FOSL1: variants seen among roughly 807,000 people sequenced by gnomAD.
FOSL1 encodes FOS like 1, AP-1 transcription factor subunit.
A neutral mutation model predicts 24.9 loss-of-function variants in FOSL1; 14 were observed. The ratio of observed to expected loss-of-function variants is 0.56; its 90% confidence interval spans 0.37 to 0.88. The LOEUF (loss-of-function observed/expected upper bound fraction) is 0.88, where lower values mean the gene tolerates loss of function less well. FOSL1 is among the 40% of genes least tolerant of loss of function. The pLI is 0.00. For missense variants in FOSL1, 318 were observed against 359.8 expected (o/e 0.88, Z 0.94); for synonymous variants, 133 against 145.1 (o/e 0.92, Z 0.60).
upstream of FOSL1, chr11:65,900,432 C>A (rs1029999849): frequency 2.2e-5 from 16 of 732,632 alleles, no homozygotes; most frequent in African/African-American, 2.5e-4. Context: ...ATGAAAAGTT[C>A]TCGGGCTGAA....
Position 65,892,648 on chromosome 11 carries a change from T to A in FOSL1, c.*238A>T. The A allele has an allele frequency of 1.5e-6, 1 of 689,286 alleles. No individual in the cohort carries two copies. Among genetic ancestry groups the A allele is most frequent in the Non-Finnish European group, 2.7e-6 (1 of 376,516 alleles). 42.7% of individuals were successfully genotyped at this position (689,286 alleles called of 1,614,324 possible). A position where few individuals can be genotyped will look rare whatever the true frequency, so the allele number is the denominator to read the frequency against. On this transcript the variant is annotated 3_prime_UTR_variant, in exon 4 of 4. Transcript: ENST00000312562. The stretch of plus-strand genomic sequence containing the variant: ...TCCTCTGGCACAAATGGGAAATATT[T>A]TGTCTCTGATTTAGTGCAAATTGTG...
chr11:65,896,957 A>G lies in FOSL1; in HGVS notation c.149T>C (p.Leu50Pro). 1 of 1,614,196 alleles carries G rather than the reference A, an allele frequency of 6.2e-7. No individual in the cohort carries two copies. Among genetic ancestry groups the G allele is most frequent in the Non-Finnish European group, 8.5e-7 (1 of 1,180,024 alleles). Reference sequence around the variant, plus strand: ...GAAATGAGGCTGTACCATCCACTGCAGCTCCTGACTGCCACTCATGGTGTT... The same window carrying G: ...GAAATGAGGCTGTACCATCCACTGCGGCTCCTGACTGCCACTCATGGTGTT... The part of the protein sequence containing the change: ...SINTMSGSQE[L>P]QWMVQPHFLG... The change falls in exon 2 of 4, where the codon CTG (leucine) becomes CCG (proline). Residue 50 changes from leucine (L) to proline (P), a missense_variant. Physicochemically the swap from Leu to Pro is moderately conservative, Grantham distance 98. Coordinates refer to ENST00000312562, the MANE Select transcript of FOSL1 (RefSeq NM_005438.5).
intron 3 of FOSL1, among the ~76,000 whole-genome samples, 173 bp from the exon 4 acceptor site, chr11:65,893,469 G>A (rs112017120): frequency 0.029 from 4,372 of 152,184 alleles, 202 homozygotes; most frequent in African/African-American, 0.099. Context: ...GAGAAAATGG[G>A]CACAACTCCC....
rs570896738 is a variant in FOSL1 at position 65,892,714 on chromosome 11, T to A, written c.*172A>T. On this transcript the variant is annotated 3_prime_UTR_variant, in exon 4 of 4. Coordinates refer to ENST00000312562, the MANE Select transcript of FOSL1 (RefSeq NM_005438.5). ...CAAGAGAAACAGTGGGCAGCTTTGG[T>A]GGCCCCAAGCTGGCTCTACTGTGAA... 6.9e-6 allele frequency: 5 copies of A among 722,498 alleles called. No individual in the cohort carries two copies. In the African/African-American group the frequency reaches 8.6e-5, roughly 12 times the overall value. 44.8% of individuals were successfully genotyped at this position (722,498 alleles called of 1,614,324 possible).
rs753232286 is a variant in FOSL1, at chr11:65,892,652, C to G, written c.*234G>C. 4.3e-6 allele frequency: 3 copies of G among 692,970 alleles called. No individual in the cohort carries two copies. Among genetic ancestry groups the G allele is most frequent in the Non-Finnish European group, 7.9e-6 (3 of 379,080 alleles). The allele number at this position is 692,970 out of a possible 1,614,324, so 42.9% of individuals were successfully genotyped here. A position where few individuals can be genotyped will look rare whatever the true frequency, so the allele number is the denominator to read the frequency against. On this transcript the variant is annotated 3_prime_UTR_variant, in exon 4 of 4. Coordinates refer to ENST00000312562, the MANE Select transcript of FOSL1 (RefSeq NM_005438.5). ...CTGGCACAAATGGGAAATATTTTGT[C>G]TCTGATTTAGTGCAAATTGTGCTAG...
intron 3 of FOSL1, 109 bp from the exon 4 acceptor site, chr11:65,893,405 G>A (rs979466911): frequency 8.8e-6 from 7 of 794,048 alleles, no homozygotes; most frequent in Non-Finnish European, 1.4e-5. Flanking sequence ...GGGGAGAGGG[G>A]GGGCAGTGGA....
intron 1 of FOSL1, among the ~76,000 whole-genome samples, chr11:65,897,256 A>C (rs1479351257): frequency 6.6e-6 from 1 of 152,038 alleles, no homozygotes; most frequent in Non-Finnish European, 1.5e-5. Flanking sequence ...TAAAGCACAA[A>C]CTGCCAGGAA....
At chr11:65,894,966 CTT>C (rs772849854) in intron 2 of FOSL1, among the ~76,000 whole-genome samples, 3 of 141,512 alleles carry the variant, frequency 2.1e-5, no homozygotes, top group African/African-American at 5.2e-5. Context: ...CTTTTTTTTT[CTT>C]TTTTTTTTTT....
At position 65,893,162 on chromosome 11, in the gene FOSL1, C is replaced by A; in HGVS notation, c.540G>T (p.Glu180Asp). The part of the protein sequence containing the change: ...PICKIPEGAK[E>D]GDTGSTSGTS... ...TGCCACTGGTACTGCCTGTGTCCCCCTCCTTGGCTCCTTCCGGGATTTTGC... is the reference window on the plus strand; with the variant it reads ...TGCCACTGGTACTGCCTGTGTCCCCATCCTTGGCTCCTTCCGGGATTTTGC... The change falls in exon 4 of 4, where the codon GAG becomes GAT. Residue 180 changes from glutamate to aspartate, a missense_variant. Physicochemically the swap from Glu to Asp is conservative, Grantham distance 45. Coordinates refer to ENST00000312562, the MANE Select transcript of FOSL1 (RefSeq NM_005438.5). The A allele has an allele frequency of 6.2e-7, 1 of 1,613,700 alleles. No individual in the cohort carries two copies. The highest frequency in any genetic ancestry group is 8.5e-7 in the Non-Finnish European group (1 of 1,179,974).
chr11:65,896,831 A>T lies in FOSL1; in HGVS notation c.275T>A (p.Val92Glu), dbSNP rs1565289362. 6 of 1,610,400 alleles carry T rather than the reference A, an allele frequency of 3.7e-6. No individual in the cohort carries two copies. Among genetic ancestry groups the T allele is most frequent in the Admixed American group, 3.4e-5 (2 of 59,614 alleles). Residue 92 changes from valine to glutamate, a missense_variant, in exon 2 of 4, where the codon GTA (valine) becomes GAA (glutamate). Val to Glu is a moderately radical substitution (Grantham distance 121). Transcript: ENST00000312562. The stretch of plus-strand genomic sequence containing the variant: ...TACCTGTTCACAAGGCCTTCGACGT[A>T]CCCCTGGAGGCGGCCCCAGGGCCCG... ...VIRALGPPPG[V>E]RRRPCEQISP...
In FOSL1 at chr11:65,896,955, G is replaced by A. The variant is rs766867745; in HGVS notation, c.151C>T (p.Gln51Ter). 2 of 1,614,116 alleles carry A rather than the reference G, an allele frequency of 1.2e-6. No homozygotes were observed. Among genetic ancestry groups the A allele is most frequent in the Non-Finnish European group, 1.7e-6 (2 of 1,179,962 alleles). ...AGGAAATGAGGCTGTACCATCCACT[G>A]CAGCTCCTGACTGCCACTCATGGTG... Reference protein sequence around the residue: ...INTMSGSQELQWMVQPHFLGP... With the variant: ...INTMSGSQEL Residue 51 changes from glutamine (Q) to a stop codon, truncating the protein, a stop_gained, in exon 2 of 4, where the codon CAG (glutamine) becomes TAG (stop). Transcript: ENST00000312562. LOFTEE classifies it high-confidence loss of function.
At chr11:65,899,283 C>T (rs1860609751) in intron 1 of FOSL1, among the ~76,000 whole-genome samples, 1 of 152,166 alleles carries the variant, frequency 6.6e-6, no homozygotes, top group Non-Finnish European at 1.5e-5. Context: ...GCTGCGGGCC[C>T]GGCGTCCCAG....
intron 1 of FOSL1, among the ~76,000 whole-genome samples, chr11:65,899,745 C>G (rs1446759605): frequency 2.0e-5 from 3 of 152,184 alleles, no homozygotes; most frequent in Non-Finnish European, 4.4e-5. Context: ...GACAGACGGA[C>G]GGACACGCGG....
rs2134787538 is a variant in FOSL1 at position 65,892,687 on chromosome 11, C to G, written c.*199G>C. The G allele has an allele frequency of 1.4e-6, 1 of 703,474 alleles. No homozygotes were observed. 43.6% of individuals were successfully genotyped at this position (703,474 alleles called of 1,614,324 possible). A position where few individuals can be genotyped will look rare whatever the true frequency, so the allele number is the denominator to read the frequency against. On this transcript the variant is annotated 3_prime_UTR_variant, in exon 4 of 4. Transcript: ENST00000312562. ...GTGCAAATTGTGCTAGAGAGGCCAG[C>G]TCAAGAGAAACAGTGGGCAGCTTTG... is the stretch of plus-strand genomic sequence containing the variant.
intron 1 of FOSL1, 29 bp from the exon 2 acceptor site, chr11:65,897,035 A>G (rs1263687026): frequency 6.4e-7 from 1 of 1,574,322 alleles, no homozygotes; most frequent in South Asian, 1.1e-5. Flanking sequence ...AAGGCCACAG[A>G]TGAGGTCCGT....
In FOSL1 at chr11:65,892,806, T is replaced by C; in HGVS notation, c.*80A>G. 7.0e-7 allele frequency: 1 copy of C among 1,418,678 alleles called. No homozygotes were observed. Among genetic ancestry groups the C allele is most frequent in the Non-Finnish European group, 9.7e-7 (1 of 1,028,544 alleles). The allele number at this position is 1,418,678 out of a possible 1,614,324, so 87.9% of individuals were successfully genotyped here. The stretch of plus-strand genomic sequence containing the variant: ...TGCTGGAGTTGGATGTGGGATACTG[T>C]CCAGGCCAGCTGGACCGGTGGGGGA... On this transcript the variant is annotated 3_prime_UTR_variant, in exon 4 of 4. Transcript: ENST00000312562.
intron 3 of FOSL1, 104 bp downstream of exon 3, chr11:65,893,910 G>C (rs1422606955): frequency 1.4e-5 from 11 of 781,762 alleles, no homozygotes; most frequent in Non-Finnish European, 2.4e-5. Context: ...CTGCCCCTCA[G>C]ACAAGGAGCT....
chr11:65,894,090 A>G lies in FOSL1; in HGVS notation c.329T>C (p.Val110Ala). Reference protein sequence around the residue: ...ISPEEEERRRVRRERNKLAAA... With the variant: ...ISPEEEERRRARRERNKLAAA... ...AGCCAGCTTGTTCCGCTCGCGCCTT[A>G]CTCGGCGGCGCTCCTCTTCCTCCGG... Residue 110 changes from valine (V) to alanine (A), a missense_variant, in exon 3 of 4, where the codon GTA (valine) becomes GCA (alanine). By Grantham distance (64) the Val-to-Ala change is moderately conservative. Coordinates refer to ENST00000312562, the MANE Select transcript of FOSL1 (RefSeq NM_005438.5). 3 of 1,609,540 alleles carry G rather than the reference A, an allele frequency of 1.9e-6. No homozygotes were observed. Among genetic ancestry groups the G allele is most frequent in the Non-Finnish European group, 2.5e-6 (3 of 1,179,552 alleles).
Position 65,893,178 on chromosome 11 carries a change from G to C in FOSL1, c.524C>G (p.Pro175Arg), listed in dbSNP as rs1299404565. The change falls in exon 4 of 4, where the codon CCG (proline) becomes CGG (arginine). Residue 175 changes from proline to arginine, a missense_variant. By Grantham distance (103) the Pro-to-Arg change is moderately radical. Coordinates refer to ENST00000312562, the MANE Select transcript of FOSL1 (RefSeq NM_005438.5). ...TGTGTCCCCCTCCTTGGCTCCTTCC[G>C]GGATTTTGCAGATGGGTCGGTGGGC... is the stretch of plus-strand genomic sequence containing the variant. ...LEAHRPICKI[P>R]EGAKEGDTGS... 7 of 1,613,814 alleles carry C rather than the reference G, an allele frequency of 4.3e-6. No individual in the cohort carries two copies. The highest frequency in any genetic ancestry group is 5.9e-6 in the Non-Finnish European group (7 of 1,180,008).
Sources: allele counts gnomAD v4.1 joint callset (sites outside exome capture counted in the v4.1 genomes callset), GRCh38; gene constraint gnomAD v4.1.1; transcripts MANE v1.5; gene names NCBI Gene and HGNC (gene_info 2026-07-23, HGNC 2026-07-21).